Variants in SEMA5A observed in about 807,000 individuals in gnomAD.
SEMA5A encodes the protein semaphorin-5A.
Under a neutral mutation model 135.5 loss-of-function variants are expected in SEMA5A, and 55 were observed. The observed-to-expected ratio is 0.41, with a 90% CI of 0.33 to 0.51. The LOEUF (loss-of-function observed/expected upper bound fraction) is 0.51. Among genes scored for constraint, SEMA5A ranks in the 20% least tolerant of loss-of-function variants. SEMA5A has a pLI of 0.37. For synonymous variants in SEMA5A, 580 were observed against 546.5 expected (o/e 1.06, Z -0.85); for missense variants, 1,290 against 1,419.9 (o/e 0.91, Z 1.47).
intron 5 of SEMA5A, among the ~76,000 whole-genome samples, chr5:9,291,022 A>G (rs1751049103): frequency 6.6e-6 from 1 of 152,178 alleles, no homozygotes. Flanking sequence ...ATCAACTTAC[A>G]TTTTAATATT....
At chr5:9,500,548 C>A (rs1413549645) in intron 1 of SEMA5A, among the ~76,000 whole-genome samples, 1 of 152,192 alleles carries the variant, frequency 6.6e-6, no homozygotes, top group Non-Finnish European at 1.5e-5. Flanking sequence ...AGGGAACCCA[C>A]TGAGCTGATC....
intron 1 of SEMA5A, among the ~76,000 whole-genome samples, chr5:9,483,067 T>C (rs1223050950): frequency 6.6e-6 from 1 of 152,220 alleles, no homozygotes; most frequent in African/African-American, 2.4e-5. Context: ...TGCCAATAAT[T>C]GAGATTCAGA....
intron 5 of SEMA5A, among the ~76,000 whole-genome samples, chr5:9,287,370 AC>A (rs1231318372): frequency 4.6e-5 from 7 of 152,238 alleles, no homozygotes; most frequent in Non-Finnish European, 1.0e-4. Flanking sequence ...AGCAGAATAG[AC>A]ACTACATCCT....
intron 5 of SEMA5A, among the ~76,000 whole-genome samples, chr5:9,258,433 G>A (rs1216784250): frequency 6.6e-6 from 1 of 152,122 alleles, no homozygotes. Flanking sequence ...GAGACCACAG[G>A]CCTATCTCAT....
Position 9,479,888 on chromosome 5 carries a change from T to G in SEMA5A, c.-174-42036A>C, listed in dbSNP as rs1393093668. ...GGTTGATGATCACACACATCACCTC[T>G]AAGGTGGTGGAGGTAATTCATCAGT... On this transcript the variant is annotated intron_variant, in intron 1 of 22. Coordinates refer to ENST00000382496, the MANE Select transcript of SEMA5A (RefSeq NM_003966.3). 5.3e-5 allele frequency among the ~76,000 whole-genome samples: 8 copies of G among 152,330 alleles called. No homozygotes were observed. The South Asian group carries it at 1.0e-3, about 20-fold the overall frequency.
intron 2 of SEMA5A, among the ~76,000 whole-genome samples, chr5:9,381,338 G>A (rs1755598590): frequency 6.6e-6 from 1 of 152,190 alleles, no homozygotes; most frequent in South Asian, 2.1e-4. Flanking sequence ...ATAACTGTGG[G>A]TAATGGAAAC....
intron 3 of SEMA5A, among the ~76,000 whole-genome samples, chr5:9,346,105 G>A (rs1753855409): frequency 6.6e-6 from 1 of 152,006 alleles, no homozygotes. Context: ...CCCATCCTGT[G>A]CCTATAAAGA....
intron 5 of SEMA5A, among the ~76,000 whole-genome samples, chr5:9,239,021 T>C (rs1450597779): frequency 6.6e-6 from 1 of 152,160 alleles, no homozygotes; most frequent in Non-Finnish European, 1.5e-5. Context: ...TTATCCAAAC[T>C]TGGGAGAATA....
At chr5:9,165,385 T>C (rs1743546279) in intron 11 of SEMA5A, among the ~76,000 whole-genome samples, 1 of 152,238 alleles carries the variant, frequency 6.6e-6, no homozygotes, top group South Asian at 2.1e-4. Context: ...AAATCTATTA[T>C]CTGGATTCCA....
At chr5:9,293,877 G>A (rs1242975217) in intron 5 of SEMA5A, among the ~76,000 whole-genome samples, 5 of 152,048 alleles carry the variant, frequency 3.3e-5, no homozygotes, top group Non-Finnish European at 7.4e-5. Context: ...TAATACTGTT[G>A]GTGGCCACAT....
chr5:9,362,907 G>A (rs1470648283), intron 3 of SEMA5A, among the ~76,000 whole-genome samples: 1 of 152,208 alleles, frequency 6.6e-6, no homozygotes, highest in Non-Finnish European at 1.5e-5. Flanking sequence ...CAGACTGGCT[G>A]AAACCATTCA....
chr5:9,368,356 T>C (rs1471719238), intron 3 of SEMA5A, among the ~76,000 whole-genome samples: 2 of 152,224 alleles, frequency 1.3e-5, no homozygotes, highest in Non-Finnish European at 2.9e-5. Flanking sequence ...GACAAGTTTA[T>C]GCATCCTCAT....
At chr5:9,243,874 A>C (rs193131862) in intron 5 of SEMA5A, among the ~76,000 whole-genome samples, 2 of 152,242 alleles carry the variant, frequency 1.3e-5, no homozygotes, top group African/African-American at 4.8e-5. Context: ...CCTGATTTTT[A>C]CAGTTTCTTT....
At chr5:9,079,819 G>C (rs1165571557) in intron 16 of SEMA5A, among the ~76,000 whole-genome samples, 3 of 152,194 alleles carry the variant, frequency 2.0e-5, no homozygotes, top group African/African-American at 7.2e-5. Context: ...CTGGTCACTA[G>C]AGAAATGCAA....
intron 16 of SEMA5A, among the ~76,000 whole-genome samples, chr5:9,101,903 AACAAAC>A (rs1314626369): frequency 6.6e-6 from 1 of 152,222 alleles, no homozygotes; most frequent in African/African-American, 2.4e-5. Context: ...ACAACCCTTT[AACAAAC>A]ACAAATAATT....
chr5:9,416,292 G>A (rs950683156), intron 2 of SEMA5A, among the ~76,000 whole-genome samples: 8 of 152,270 alleles, frequency 5.3e-5, no homozygotes, highest in African/African-American at 1.9e-4. Flanking sequence ...AGAGGTGGGA[G>A]GTCAGGGAAG....
rs1738316212 is a variant in SEMA5A, at chr5:9,545,187, C to A, written c.-175+397G>T. ...AACCGCCAAGTCCCGACCTCCGTGT[C>A]CCCTGCCCCCGGCTCGCGGCAGTGC... On this transcript the variant is annotated intron_variant, in intron 1 of 22. Transcript: ENST00000382496. The surrounding 1 kb of genome is among the most constrained non-coding windows in gnomAD (Gnocchi z 4.5). Among the ~76,000 whole-genome samples, 1 of 152,176 alleles carries A rather than the reference C, an allele frequency of 6.6e-6. No individual in the cohort carries two copies. Among genetic ancestry groups the A allele is most frequent in the Admixed American group, 6.5e-5 (1 of 15,290 alleles).
chr5:9,393,616 G>A (rs558487997), intron 2 of SEMA5A, among the ~76,000 whole-genome samples: 6 of 152,166 alleles, frequency 3.9e-5, no homozygotes, highest in South Asian at 2.1e-4. Context: ...TGGCAATTAC[G>A]AAGCACTAAA....
At chr5:9,444,731 A>G (rs1758364281) in intron 1 of SEMA5A, among the ~76,000 whole-genome samples, 1 of 152,190 alleles carries the variant, frequency 6.6e-6, no homozygotes, top group Non-Finnish European at 1.5e-5. Flanking sequence ...TAAATTTTGA[A>G]CGGTATTTGA....
Sources: allele counts gnomAD v4.1 joint callset (sites outside exome capture counted in the v4.1 genomes callset), GRCh38; gene constraint gnomAD v4.1.1; non-coding constraint Gnocchi (gnomAD v3.1); transcripts MANE v1.5; gene names NCBI Gene and HGNC (gene_info 2026-07-23, HGNC 2026-07-21).